CSDE1: variants seen among roughly 807,000 people sequenced by gnomAD.
CSDE1 encodes cold shock domain-containing protein E1.
In CSDE1, 17 loss-of-function variants were observed where a neutral mutation model predicts 89.3. The observed-to-expected ratio is 0.19, with a 90% CI of 0.13 to 0.29. CSDE1 has a LOEUF of 0.29. Among genes scored for constraint, CSDE1 ranks in the 10% least tolerant of loss-of-function variants. CSDE1 has a pLI of 1.00. For missense variants in CSDE1, 672 were observed against 984.2 expected, an observed-to-expected ratio of 0.68 and a Z score of 4.24; for synonymous variants, 322 against 332.8, an observed-to-expected ratio of 0.97 and a Z score of 0.35.
chr1:114,721,308 T>C (rs1249340178), intron 16 of CSDE1, among the ~76,000 whole-genome samples: 3 of 152,144 alleles, frequency 2.0e-5, no homozygotes, highest in African/African-American at 4.8e-5. Flanking sequence ...AACTCTGCTG[T>C]TGTAGTGAGA....
chr1:114,727,123 C>T (rs765599688), intron 12 of CSDE1, 33 bp from the exon 13 acceptor site: 9 of 1,468,330 alleles, frequency 6.1e-6, no homozygotes, highest in Non-Finnish European at 8.6e-6. Context: ...AGAATGAAAA[C>T]AATCTCAAGA....
At chr1:114,750,273 A>T (rs1661232272) in intron 1 of CSDE1, 66 bp from the exon 2 acceptor site, 1 of 152,264 alleles carries the variant, frequency 6.6e-6, no homozygotes, top group African/African-American at 2.4e-5. Context: ...GTGGGTGAGA[A>T]GAGGGACAAA....
intron 10 of CSDE1, among the ~76,000 whole-genome samples, chr1:114,731,546 A>G (rs1385500242): frequency 6.6e-6 from 1 of 152,190 alleles, no homozygotes; most frequent in Non-Finnish European, 1.5e-5. Context: ...GGCAACACTG[A>G]GTTATAGTGT....
rs201488403 is a variant in CSDE1, at chr1:114,730,495, A to T, written c.1191+13T>A. The stretch of plus-strand genomic sequence containing the variant: ...CAAGAAACACCTCCCAACTTTTCTC[A>T]GAAACAACTCACAGGAACCACAGTA... On this transcript the variant is annotated intron_variant, in intron 11 of 19. Coordinates refer to ENST00000358528, the MANE Select transcript of CSDE1 (RefSeq NM_001007553.3). The T allele has an allele frequency of 1.2e-6, 2 of 1,612,780 alleles. No homozygotes were observed. The highest frequency in any genetic ancestry group is 1.7e-6 in the Non-Finnish European group (2 of 1,179,490).
intron 2 of CSDE1, among the ~76,000 whole-genome samples, chr1:114,745,857 C>A (rs2101073313): frequency 6.6e-6 from 1 of 152,280 alleles, no homozygotes; most frequent in East Asian, 1.9e-4. Context: ...ACATAAAAGT[C>A]AAAAGACTGG....
At position 114,733,828 on chromosome 1, in the gene CSDE1, T is replaced by C. The variant is rs766479056; in HGVS notation, c.741A>G (p.Leu247=). The C allele has an allele frequency of 4.1e-5, 66 of 1,613,920 alleles. No individual in the cohort carries two copies. The highest frequency in any genetic ancestry group is 2.0e-4 in the South Asian group (18 of 91,086). ...CAAAAATGACTGTTCCTTGAGGCAA[T>C]AGTCTGACATCTGTTGCAACTTCTT... is the stretch of plus-strand genomic sequence containing the variant. The part of the protein sequence containing the change: ...NGKEVATDVR[L]LPQGTVIFED... The change falls in exon 9 of 20, where the codon CTA becomes CTG. Residue 247 remains leucine, a synonymous_variant. Transcript: ENST00000358528.
Position 114,725,320 on chromosome 1 carries a change from C to T in CSDE1, c.1654G>A (p.Asp552Asn), listed in dbSNP as rs781530595. 1.7e-5 allele frequency: 28 copies of T among 1,613,666 alleles called. No individual in the cohort carries two copies. The highest frequency in any genetic ancestry group is 2.4e-5 in the Non-Finnish European group (28 of 1,179,712). ...TCCCCCAGTTCCAGGCTATCAACAT[C>T]ACCAGAGAACTCACTAAGGAGAAAG... The part of the protein sequence containing the change: ...IFFHYSEFSG[D>N]VDSLELGDMV... The change falls in exon 15 of 20, where the codon GAT becomes AAT. Residue 552 changes from aspartate to asparagine, a missense_variant. This residue lies in a region of CSDE1 where 206 missense variants were observed against 332.4 expected (regional missense o/e 0.62). Coordinates refer to ENST00000358528, the MANE Select transcript of CSDE1 (RefSeq NM_001007553.3).
intron 6 of CSDE1, among the ~76,000 whole-genome samples, chr1:114,735,354 C>G (rs1216969787): frequency 2.6e-5 from 4 of 152,138 alleles, no homozygotes; most frequent in African/African-American, 9.7e-5. Context: ...AAAAATGTTA[C>G]AGACTAACAA....
chr1:114,720,699 A>G lies in CSDE1; in HGVS notation c.1892T>C (p.Val631Ala). The G allele has an allele frequency of 6.2e-7, 1 of 1,614,188 alleles. No homozygotes were observed. Among genetic ancestry groups the G allele is most frequent in the Non-Finnish European group, 8.5e-7 (1 of 1,180,028 alleles). The change falls in exon 17 of 20, where the codon GTC becomes GCC. Residue 631 changes from valine to alanine, a missense_variant. Val to Ala is a moderately conservative substitution (Grantham distance 64). This residue lies in a region of CSDE1 where 206 missense variants were observed against 332.4 expected (regional missense o/e 0.62). Coordinates refer to ENST00000358528, the MANE Select transcript of CSDE1 (RefSeq NM_001007553.3). ...CATCCCAACGATGCCAAATGGATAGACCTCACCTTTCATATCGCCTGTAAA... is the reference window on the plus strand; with the variant it reads ...CATCCCAACGATGCCAAATGGATAGGCCTCACCTTTCATATCGCCTGTAAA... Reference protein sequence around the residue: ...IVEEGDMKGEVYPFGIVGMAN... With the variant: ...IVEEGDMKGEAYPFGIVGMAN...
intron 16 of CSDE1, among the ~76,000 whole-genome samples, chr1:114,723,144 A>G (rs1033358292): frequency 6.6e-6 from 1 of 152,140 alleles, no homozygotes; most frequent in Non-Finnish European, 1.5e-5. Flanking sequence ...GGCGTGAACC[A>G]CCACGCCCGG....
intron 9 of CSDE1, 41 bp downstream of exon 9, chr1:114,733,691 T>C (rs1341987456): frequency 6.3e-7 from 1 of 1,576,458 alleles, no homozygotes; most frequent in Non-Finnish European, 8.7e-7. Context: ...ATTCTATTAC[T>C]ACTGAGGCGA....
chr1:114,756,920 T>C (rs1661627950), intron 1 of CSDE1: 1 of 152,202 alleles, frequency 6.6e-6, no homozygotes, highest in African/African-American at 2.4e-5. Flanking sequence ...CACTAAGATT[T>C]CGTATTGATA....
chr1:114,722,816 A>C (rs1216862066), intron 16 of CSDE1, among the ~76,000 whole-genome samples: 1 of 152,166 alleles, frequency 6.6e-6, no homozygotes, highest in South Asian at 2.1e-4. Context: ...TTAAAAATTC[A>C]TATTTAGAGG....
intron 10 of CSDE1, among the ~76,000 whole-genome samples, chr1:114,730,986 G>A (rs893805889): frequency 6.6e-6 from 1 of 152,102 alleles, no homozygotes; most frequent in African/African-American, 2.4e-5. Context: ...CTAATTTACA[G>A]ACCATAATTC....
chr1:114,733,605 C>A, intron 9 of CSDE1, 127 bp downstream of exon 9: 6 of 606,976 alleles, frequency 9.9e-6, no homozygotes, highest in Non-Finnish European at 1.6e-5. Context: ...ATATACGTAA[C>A]AAGAGGTCCT....
At chr1:114,748,932 T>C (rs975625504) in intron 2 of CSDE1, among the ~76,000 whole-genome samples, 1 of 152,236 alleles carries the variant, frequency 6.6e-6, no homozygotes, top group Non-Finnish European at 1.5e-5. Context: ...CTGATGGCTC[T>C]CCTACGGAAT....
At chr1:114,726,935 TA>T in intron 13 of CSDE1, 47 bp downstream of exon 13, 1 of 1,271,386 alleles carries the variant, frequency 7.9e-7, no homozygotes, top group Non-Finnish European at 1.1e-6. Context: ...GATTTATGAT[TA>T]AGATGACAAC....
chr1:114,757,049 T>A (rs142377473), intron 1 of CSDE1, among the ~76,000 whole-genome samples: 4 of 152,272 alleles, frequency 2.6e-5, no homozygotes, highest in African/African-American at 4.8e-5. Context: ...GCTGGCACCA[T>A]GAGAACTACA....
chr1:114,731,341 G>C (rs559865250), intron 10 of CSDE1, among the ~76,000 whole-genome samples: 1 of 149,072 alleles, frequency 6.7e-6, no homozygotes, highest in South Asian at 2.1e-4. Flanking sequence ...CAGTAGCCAA[G>C]TTATATTTTC....
Sources: allele counts gnomAD v4.1 joint callset (sites outside exome capture counted in the v4.1 genomes callset), GRCh38; gene constraint gnomAD v4.1.1; regional missense constraint gnomAD v4.1.1; transcripts MANE v1.5; gene names NCBI Gene and HGNC (gene_info 2026-07-23, HGNC 2026-07-21).